The following SPRED2 variants were observed in gnomAD, a reference collection of about 807,000 sequenced individuals.
The protein encoded by SPRED2 is sprouty related EVH1 domain containing 2.
Under a neutral mutation model 43.0 loss-of-function variants are expected in SPRED2, and 47 were observed. That is an observed-to-expected ratio of 1.09 (90% CI 0.87 to 1.40). SPRED2 has a LOEUF of 1.40. Among genes scored for constraint, SPRED2 ranks in the 40% most tolerant of loss-of-function variants. The pLI, the probability that SPRED2 is intolerant of heterozygous loss-of-function variation, is 0.00. For synonymous variants in SPRED2, 225 were observed against 225.7 expected (o/e 1.00, Z 0.03); for missense variants, 561 against 586.4 (o/e 0.96, Z 0.45).
chr2:65,316,596 T>G (rs528392626), intron 5 of SPRED2, 138 bp downstream of exon 5: 4 of 1,068,450 alleles, frequency 3.7e-6, no homozygotes, highest in Non-Finnish European at 5.4e-6. Flanking sequence ...AATGCCACTT[T>G]CAATATGAAG....
intron 2 of SPRED2, chr2:65,344,384 T>G: frequency 2.6e-6 from 1 of 391,516 alleles, no homozygotes; most frequent in Non-Finnish European, 5.0e-6. Flanking sequence ...ACTTCACAGC[T>G]CAGTACAATG....
At chr2:65,319,578 T>C (rs1158544784) in intron 4 of SPRED2, among the ~76,000 whole-genome samples, 1 of 152,168 alleles carries the variant, frequency 6.6e-6, no homozygotes, top group Non-Finnish European at 1.5e-5. Flanking sequence ...GGGTGCACTT[T>C]CCCTTCACTA....
At chr2:65,378,333 G>A (rs561685787) in intron 1 of SPRED2, among the ~76,000 whole-genome samples, 17 of 152,232 alleles carry the variant, frequency 1.1e-4, no homozygotes, top group Non-Finnish European at 2.2e-4. Context: ...ATGGTATTGC[G>A]GTTCTTGTTT....
chr2:65,347,886 C>T (rs376462125), intron 1 of SPRED2, among the ~76,000 whole-genome samples: 1 of 152,182 alleles, frequency 6.6e-6, no homozygotes, highest in Non-Finnish European at 1.5e-5. Flanking sequence ...TCTACTGACA[C>T]TGACCTGATC....
At chr2:65,343,915 G>T (rs560804635) in intron 2 of SPRED2, among the ~76,000 whole-genome samples, 1 of 152,202 alleles carries the variant, frequency 6.6e-6, no homozygotes, top group South Asian at 2.1e-4. Flanking sequence ...GGGAGGCCGA[G>T]GTGGGTGGAT....
chr2:65,389,220 A>G (rs1675575827), intron 1 of SPRED2, among the ~76,000 whole-genome samples: 1 of 149,206 alleles, frequency 6.7e-6, no homozygotes, highest in Non-Finnish European at 1.5e-5. Context: ...TTCCAGAGAC[A>G]GCAATACAAA....
At chr2:65,422,000 C>T (rs1307246874) in intron 1 of SPRED2, among the ~76,000 whole-genome samples, 2 of 151,626 alleles carry the variant, frequency 1.3e-5, no homozygotes, top group Non-Finnish European at 1.5e-5. Flanking sequence ...AGAATCTTTT[C>T]CTCACCTGTG....
rs1186865424 is a variant in SPRED2 at position 65,311,570 on chromosome 2, G to A, written c.*1931C>T. On this transcript the variant is annotated 3_prime_UTR_variant, in exon 6 of 6. Transcript: ENST00000356388. ...GACCCCAAGGAAGTGCCTCCGGGTC[G>A]GGGGAAGGTGGTCTCTCGACAGCAC... 4.1e-6 allele frequency: 4 copies of A among 985,742 alleles called. No individual in the cohort carries two copies. Among genetic ancestry groups the A allele is most frequent in the South Asian group, 4.7e-5 (1 of 21,286 alleles). 61.1% of individuals were successfully genotyped at this position (985,742 alleles called of 1,614,324 possible).
rs1432421434 is a variant in SPRED2 at position 65,313,552 on chromosome 2, G to C, written c.1206C>G (p.His402Gln). ...CCYLPLRACY[H>Q]CGVMCRCCGG... is the part of the protein sequence containing the mutation. Reference sequence around the variant, plus strand: ...CACAGCACCTGCACATCACTCCGCAGTGGTAGCAGGCCCGAAGGGGCAGGT... The same window carrying C: ...CACAGCACCTGCACATCACTCCGCACTGGTAGCAGGCCCGAAGGGGCAGGT... Residue 402 changes from histidine (H) to glutamine (Q), a missense_variant, in exon 6 of 6, where the codon CAC (histidine) becomes CAG (glutamine). His to Gln is a conservative substitution (Grantham distance 24). Coordinates refer to ENST00000356388, the MANE Select transcript of SPRED2 (RefSeq NM_181784.3). 1 of 1,613,826 alleles carries C rather than the reference G, an allele frequency of 6.2e-7. No individual in the cohort carries two copies.
intron 1 of SPRED2, among the ~76,000 whole-genome samples, chr2:65,394,639 C>A (rs532793257): frequency 1.3e-5 from 2 of 152,142 alleles, no homozygotes; most frequent in South Asian, 2.1e-4. Flanking sequence ...AGGGCTTTGT[C>A]CCCTGTGTGT....
At chr2:65,368,942 G>C (rs551433507) in intron 1 of SPRED2, among the ~76,000 whole-genome samples, 1 of 152,256 alleles carries the variant, frequency 6.6e-6, no homozygotes, top group African/African-American at 2.4e-5. Context: ...GGGCATGGTG[G>C]TGCATGCCTG....
intron 1 of SPRED2, among the ~76,000 whole-genome samples, chr2:65,388,308 C>A (rs1408956229): frequency 6.6e-6 from 1 of 152,192 alleles, no homozygotes; most frequent in Non-Finnish European, 1.5e-5. Flanking sequence ...TCGCGTGTCT[C>A]CTATTAGGGG....
chr2:65,414,603 C>G (rs758063708), intron 1 of SPRED2, among the ~76,000 whole-genome samples: 8 of 152,234 alleles, frequency 5.3e-5, no homozygotes, highest in Non-Finnish European at 8.8e-5. Flanking sequence ...GCTGTTTGCT[C>G]TACTGCCAGG....
At position 65,382,361 on chromosome 2, in the gene SPRED2, T is replaced by C. The variant is rs142448318; in HGVS notation, c.27-37465A>G. On this transcript the variant is annotated intron_variant, in intron 1 of 5. Coordinates refer to ENST00000356388, the MANE Select transcript of SPRED2 (RefSeq NM_181784.3). ...TGCTTTGGAAAGGATTTTTAGAAATTCTTGCTGCTGCTTATTAAATTATTA... is the reference window on the plus strand; with the variant it reads ...TGCTTTGGAAAGGATTTTTAGAAATCCTTGCTGCTGCTTATTAAATTATTA... Among the ~76,000 whole-genome samples, 5 of 152,278 alleles carry C rather than the reference T, an allele frequency of 3.3e-5. No homozygotes were observed. In the East Asian group the frequency reaches 9.6e-4, roughly 29 times the overall value.
chr2:65,338,684 A>G (rs1457790123), intron 2 of SPRED2, among the ~76,000 whole-genome samples: 1 of 151,278 alleles, frequency 6.6e-6, no homozygotes, highest in Non-Finnish European at 1.5e-5. Context: ...TTGGCCCCCC[A>G]AAGTGCGGAG....
intron 4 of SPRED2, among the ~76,000 whole-genome samples, chr2:65,329,488 G>A (rs1352325286): frequency 6.6e-6 from 1 of 152,228 alleles, no homozygotes; most frequent in Non-Finnish European, 1.5e-5. Flanking sequence ...AAATTAAGTG[G>A]TGCTCTTTCT....
rs1250440849 is a variant in SPRED2, at chr2:65,313,777, C to G, written c.981G>C (p.Gln327His). 1 of 1,614,186 alleles carries G rather than the reference C, an allele frequency of 6.2e-7. No individual in the cohort carries two copies. The highest frequency in any genetic ancestry group is 1.3e-5 in the African/African-American group (1 of 75,072). The change falls in exon 6 of 6, where the codon CAG becomes CAC. Residue 327 changes from glutamine (Q) to histidine (H), a missense_variant. By Grantham distance (24) the Gln-to-His change is conservative. Transcript: ENST00000356388. ...AAGTTCTCACGGAGTCGGGCGCGTC[C>G]TGGCAGTGGCCCCGGCGGTTCTCCT... ...NHEENRRGHCQDAPDSVRTCI... is the reference protein window; with the variant it reads ...NHEENRRGHCHDAPDSVRTCI...
At chr2:65,376,966 G>A (rs538098401) in intron 1 of SPRED2, among the ~76,000 whole-genome samples, 39 of 152,138 alleles carry the variant, frequency 2.6e-4, no homozygotes, top group African/African-American at 4.8e-4. Flanking sequence ...CGCCTGCCTC[G>A]GCCTCCCAAA....
At chr2:65,324,036 A>C (rs1673522871) in intron 4 of SPRED2, among the ~76,000 whole-genome samples, 1 of 151,590 alleles carries the variant, frequency 6.6e-6, no homozygotes, top group South Asian at 2.1e-4. Flanking sequence ...CAGGCCTCAG[A>C]GCACTGGTCA....
Sources: gnomAD v4.1 joint callset for allele counts (sites outside exome capture counted in the v4.1 genomes callset) on GRCh38, gnomAD v4.1.1 for gene constraint, MANE v1.5 for transcripts, NCBI Gene and HGNC (gene_info 2026-07-23, HGNC 2026-07-21) for gene names.